Variants in SEMA6D observed in about 807,000 individuals in gnomAD.
The protein encoded by SEMA6D is semaphorin 6D, also known as semaphorin-6D.
SEMA6D carries 35 observed loss-of-function variants against 106.6 expected under a neutral mutation model. That is an observed-to-expected ratio of 0.33 (90% CI 0.25 to 0.44). SEMA6D has a LOEUF of 0.44. Among genes scored for constraint, SEMA6D ranks in the 20% least tolerant of loss-of-function variants. The pLI is 1.00. For synonymous variants in SEMA6D, 499 were observed against 487.7 expected, an observed-to-expected ratio of 1.02 and a Z score of -0.31; for missense variants, 1,185 against 1,345.9, an observed-to-expected ratio of 0.88 and a Z score of 1.87.
chr15:47,193,589 C>T (rs1314238290), intron 1 of SEMA6D, among the ~76,000 whole-genome samples: 2 of 152,176 alleles, frequency 1.3e-5, no homozygotes, highest in Non-Finnish European at 2.9e-5. Context: ...TGAATGGAAT[C>T]CTTGTAGTCA....
chr15:47,687,271 A>C (rs556668744), intron 4 of SEMA6D, among the ~76,000 whole-genome samples: 1 of 152,232 alleles, frequency 6.6e-6, no homozygotes, highest in African/African-American at 2.4e-5. Flanking sequence ...AGTGGTGGGC[A>C]AGACAGATGC....
chr15:47,665,432 C>G (rs1184247509), intron 4 of SEMA6D, among the ~76,000 whole-genome samples: 1 of 152,116 alleles, frequency 6.6e-6, no homozygotes, highest in African/African-American at 2.4e-5. Flanking sequence ...GAAGCCAGAA[C>G]AGCAACTAAT....
intron 4 of SEMA6D, among the ~76,000 whole-genome samples, chr15:47,620,053 C>T (rs1344144711): frequency 1.3e-5 from 2 of 152,112 alleles, no homozygotes; most frequent in Non-Finnish European, 2.9e-5. Context: ...CCAGGGGTTA[C>T]AATATGACAC....
chr15:47,325,414 C>A (rs1038650170), intron 1 of SEMA6D, among the ~76,000 whole-genome samples: 5 of 151,848 alleles, frequency 3.3e-5, no homozygotes, highest in Non-Finnish European at 5.9e-5. Context: ...CTCAGGTGAT[C>A]GCCCGCCTTG....
intron 4 of SEMA6D, among the ~76,000 whole-genome samples, chr15:47,663,429 G>A (rs529222696): frequency 2.4e-4 from 36 of 152,120 alleles, no homozygotes; most frequent in Non-Finnish European, 4.0e-4. Flanking sequence ...ATTAATCTTG[G>A]ATTGATCTCT....
At chr15:47,311,598 A>G (rs1376358225) in intron 1 of SEMA6D, among the ~76,000 whole-genome samples, 2 of 152,152 alleles carry the variant, frequency 1.3e-5, no homozygotes, top group Admixed American at 1.3e-4. Context: ...TTCTTTCACA[A>G]ATTAAAAGTT....
At chr15:47,565,508 G>A (rs1217297363) in intron 3 of SEMA6D, among the ~76,000 whole-genome samples, 1 of 152,232 alleles carries the variant, frequency 6.6e-6, no homozygotes, top group East Asian at 1.9e-4. Flanking sequence ...AAAGGAGTCA[G>A]GGAAATATCC....
intron 1 of SEMA6D, among the ~76,000 whole-genome samples, chr15:47,736,572 G>A (rs925016756): frequency 1.3e-5 from 2 of 152,170 alleles, no homozygotes; most frequent in African/African-American, 4.8e-5. Context: ...TTGGATCGTG[G>A]TGATGTAGGG....
intron 4 of SEMA6D, among the ~76,000 whole-genome samples, chr15:47,696,904 A>C (rs536061547): frequency 6.6e-6 from 1 of 152,298 alleles, no homozygotes; most frequent in East Asian, 1.9e-4. Context: ...TATTTGACAC[A>C]ATAAGGACTT....
chr15:47,441,710 T>C (rs138878848), intron 2 of SEMA6D, among the ~76,000 whole-genome samples: 1 of 152,190 alleles, frequency 6.6e-6, no homozygotes, highest in East Asian at 1.9e-4. Context: ...TTTAATGAGG[T>C]TGATTTGAAT....
chr15:47,369,026 C>A (rs763761205), intron 1 of SEMA6D, among the ~76,000 whole-genome samples: 41 of 152,130 alleles, frequency 2.7e-4, no homozygotes, highest in Non-Finnish European at 4.6e-4. Flanking sequence ...TAATGTGGAG[C>A]AAAATAAGCC....
In SEMA6D at chr15:47,346,782, A is replaced by G. The variant is rs181311218; in HGVS notation, c.-238-65611A>G. ...ATATTTTTTTCTTACAGCATTAAAA[A>G]AAGAAGTTAATACTGTCAGAGCTCT... On this transcript the variant is annotated intron_variant, in intron 1 of 19. Coordinates refer to the SEMA6D transcript ENST00000558014. Among the ~76,000 whole-genome samples the G allele has an allele frequency of 1.1e-3, 175 of 152,310 alleles. 2 individuals are homozygous for G. The highest frequency in any genetic ancestry group is 1.9e-3 in the Non-Finnish European group (127 of 68,022).
Position 47,771,969 on chromosome 15 carries a change from G to T in SEMA6D, c.*184G>T. 1 of 611,116 alleles carries T rather than the reference G, an allele frequency of 1.6e-6. No individual in the cohort carries two copies. Among genetic ancestry groups the T allele is most frequent in the South Asian group, 2.2e-5 (1 of 44,924 alleles). The allele number at this position is 611,116 out of a possible 1,614,324, so 37.9% of individuals were successfully genotyped here. On this transcript the variant is annotated 3_prime_UTR_variant, in exon 19 of 19. Transcript: ENST00000536845. The stretch of plus-strand genomic sequence containing the variant: ...ATGTAGCTACTGCAGCAAGGCTTCT[G>T]TGTACTTGCCTGAAAACAAAGGAAG...
intron 1 of SEMA6D, among the ~76,000 whole-genome samples, chr15:47,737,251 A>C (rs544346): frequency 0.29 from 44,341 of 152,070 alleles, 7,990 homozygotes; most frequent in Middle Eastern, 0.4. Context: ...GAATAATTAC[A>C]TATTTCAAAA....
intron 3 of SEMA6D, among the ~76,000 whole-genome samples, chr15:47,593,314 AG>A (rs1488480953): frequency 6.7e-6 from 1 of 148,974 alleles, no homozygotes; most frequent in Non-Finnish European, 1.5e-5. Flanking sequence ...CTGAGGCAGG[AG>A]AATGGCATGG....
intron 1 of SEMA6D, among the ~76,000 whole-genome samples, chr15:47,205,269 T>G (rs16959048): frequency 6.6e-6 from 1 of 152,300 alleles, no homozygotes; most frequent in Admixed American, 6.5e-5. Flanking sequence ...TTTGCTCTTA[T>G]GAATTTTGAA....
intron 3 of SEMA6D, among the ~76,000 whole-genome samples, chr15:47,501,313 C>T (rs964333808): frequency 3.3e-5 from 5 of 152,152 alleles, no homozygotes; most frequent in African/African-American, 7.2e-5. Context: ...TTCCCTTCCT[C>T]GTCTAATGAG....
chr15:47,229,597 A>G (rs879721384), intron 1 of SEMA6D, among the ~76,000 whole-genome samples: 4 of 150,114 alleles, frequency 2.7e-5, no homozygotes, highest in Non-Finnish European at 6.0e-5. Flanking sequence ...TTATATGCAT[A>G]CTGTTCACTT....
chr15:47,280,327 A>G (rs2035053515), intron 1 of SEMA6D, among the ~76,000 whole-genome samples: 1 of 151,592 alleles, frequency 6.6e-6, no homozygotes, highest in South Asian at 2.1e-4. Flanking sequence ...AGGTGTTTGT[A>G]GTATTCTCTG....
Sources: gnomAD v4.1 joint callset for allele counts (sites outside exome capture counted in the v4.1 genomes callset) on GRCh38, gnomAD v4.1.1 for gene constraint, MANE v1.5 for transcripts, NCBI Gene and HGNC (gene_info 2026-07-23, HGNC 2026-07-21) for gene names.